SMYD3: variants seen among roughly 807,000 people sequenced by gnomAD.
SMYD3 encodes the protein histone-lysine N-methyltransferase SMYD3.
A neutral mutation model predicts 57.7 loss-of-function variants in SMYD3; 36 were observed. That is an observed-to-expected ratio of 0.62 (90% CI 0.48 to 0.82). The LOEUF (loss-of-function observed/expected upper bound fraction) is 0.82, where lower values mean the gene tolerates loss of function less well. Among genes scored for constraint, SMYD3 ranks in the 40% least tolerant of loss-of-function variants. The pLI is 0.00. For missense variants in SMYD3, 515 were observed against 538.8 expected (o/e 0.96, Z 0.44); for synonymous variants, 211 against 195.0 (o/e 1.08, Z -0.68).
At chr1:245,927,908 C>T (rs778618992) in intron 7 of SMYD3, 23 bp downstream of exon 7, 1 of 1,590,206 alleles carries the variant, frequency 6.3e-7, no homozygotes, top group South Asian at 1.1e-5. Context: ...GAAGGCCAGG[C>T]TGGGAAGCAT....
At chr1:246,160,722 A>C (rs984536797) in intron 5 of SMYD3, among the ~76,000 whole-genome samples, 1 of 152,208 alleles carries the variant, frequency 6.6e-6, no homozygotes, top group African/African-American at 2.4e-5. Flanking sequence ...CACTGTTCCC[A>C]AATTCCTGAC....
intron 5 of SMYD3, among the ~76,000 whole-genome samples, chr1:246,111,072 T>C (rs534340937): frequency 1.3e-5 from 2 of 152,272 alleles, no homozygotes; most frequent in South Asian, 2.1e-4. Context: ...CCAAGGACCC[T>C]GACCCATGCA....
rs540238257 is a variant in SMYD3 at position 246,161,259 on chromosome 1, G to C, written c.531+165942C>G. ...TTGTAAAGGCCTATTTTCCCAAGAGGCTTCTTCTCCGGGGCCCTACAGCTT... is the reference window on the plus strand; with the variant it reads ...TTGTAAAGGCCTATTTTCCCAAGAGCCTTCTTCTCCGGGGCCCTACAGCTT... On this transcript the variant is annotated intron_variant, in intron 5 of 11. Transcript: ENST00000490107. Among the ~76,000 whole-genome samples, 6 of 152,264 alleles carry C rather than the reference G, an allele frequency of 3.9e-5. No individual in the cohort carries two copies. In the East Asian group the frequency reaches 1.2e-3, roughly 29 times the overall value.
chr1:246,095,569 T>C (rs2060900016), intron 5 of SMYD3, among the ~76,000 whole-genome samples: 1 of 151,910 alleles, frequency 6.6e-6, no homozygotes, highest in African/African-American at 2.4e-5. Flanking sequence ...TCTGTGGGAG[T>C]TAACCAGTAA....
intron 11 of SMYD3, among the ~76,000 whole-genome samples, chr1:245,762,558 C>T (rs935540784): frequency 8.5e-5 from 13 of 152,130 alleles, no homozygotes; most frequent in South Asian, 2.1e-4. Context: ...ACAGACGGTG[C>T]GGTGTTCTTC....
chr1:245,829,951 G>T (rs1032060050), intron 10 of SMYD3, among the ~76,000 whole-genome samples: 1 of 152,094 alleles, frequency 6.6e-6, no homozygotes, highest in Non-Finnish European at 1.5e-5. Flanking sequence ...TGGTTATCTA[G>T]GGACTGGGGG....
intron 5 of SMYD3, among the ~76,000 whole-genome samples, chr1:246,101,064 GTTTTTTGTTTTTTTTT>G (rs1190429741): frequency 0.029 from 2,239 of 78,538 alleles, 132 homozygotes; most frequent in South Asian, 0.19. Context: ...ATTTTTAGGG[GTTTTTTGTTTTTTTTT>G]TTTTTTTTTT....
intron 11 of SMYD3, 103 bp from the exon 12 acceptor site, chr1:245,749,767 GT>G: frequency 1.2e-6 from 1 of 805,252 alleles, no homozygotes; most frequent in Non-Finnish European, 2.1e-6. Context: ...AACCCCACAG[GT>G]TTACAGGGTG....
chr1:246,033,209 T>C (rs562751202), intron 5 of SMYD3, among the ~76,000 whole-genome samples: 1 of 151,982 alleles, frequency 6.6e-6, no homozygotes, highest in South Asian at 2.1e-4. Context: ...GGAATACTAA[T>C]TGGTAATAAA....
intron 9 of SMYD3, among the ~76,000 whole-genome samples, chr1:245,861,252 T>C (rs1315650839): frequency 6.6e-6 from 1 of 152,270 alleles, no homozygotes; most frequent in Non-Finnish European, 1.5e-5. Flanking sequence ...TGGTGTTTAC[T>C]ACAATTCACT....
At chr1:245,813,927 T>G (rs1460714098) in intron 10 of SMYD3, among the ~76,000 whole-genome samples, 1 of 151,030 alleles carries the variant, frequency 6.6e-6, no homozygotes, top group Non-Finnish European at 1.5e-5. Flanking sequence ...TGGCATGAGA[T>G]CAGCTAAAAT....
chr1:245,994,660 T>G (rs1043534898), intron 5 of SMYD3, among the ~76,000 whole-genome samples: 2 of 152,194 alleles, frequency 1.3e-5, no homozygotes, highest in Non-Finnish European at 2.9e-5. Context: ...GAGGGCCTTC[T>G]CATAAAATGA....
chr1:246,153,884 TC>T (rs1435609886), intron 5 of SMYD3, among the ~76,000 whole-genome samples: 2 of 152,200 alleles, frequency 1.3e-5, no homozygotes, highest in African/African-American at 4.8e-5. Flanking sequence ...ATACTTGCTA[TC>T]ATCTCCATTT....
intron 1 of SMYD3, among the ~76,000 whole-genome samples, chr1:246,376,216 G>A (rs2066274075): frequency 6.6e-6 from 1 of 151,966 alleles, no homozygotes; most frequent in Non-Finnish European, 1.5e-5. Context: ...AGCTCTCTAC[G>A]TGTCTTGCTA....
At chr1:246,340,266 T>C (rs991647846) in intron 2 of SMYD3, among the ~76,000 whole-genome samples, 3 of 149,900 alleles carry the variant, frequency 2.0e-5, no homozygotes, top group African/African-American at 7.3e-5. Context: ...TAAAGAATTT[T>C]TGTCTTGGGG....
chr1:245,929,733 T>G, intron 6 of SMYD3, 137 bp downstream of exon 6: 1 of 666,222 alleles, frequency 1.5e-6, no homozygotes, highest in South Asian at 1.7e-5. Flanking sequence ...TCCATTTTTT[T>G]GTAATTTATT....
intron 1 of SMYD3, among the ~76,000 whole-genome samples, chr1:246,492,524 C>T (rs1194999904): frequency 6.6e-6 from 1 of 152,126 alleles, no homozygotes; most frequent in Non-Finnish European, 1.5e-5. Flanking sequence ...ACAGACGATT[C>T]CCAGACACAG....
chr1:245,861,943 T>G (rs2051569992), intron 9 of SMYD3, among the ~76,000 whole-genome samples: 1 of 152,182 alleles, frequency 6.6e-6, no homozygotes, highest in African/African-American at 2.4e-5. Flanking sequence ...CCGTTTTCAG[T>G]AAAACCTTGT....
At chr1:246,039,093 A>T (rs966292636) in intron 5 of SMYD3, among the ~76,000 whole-genome samples, 1 of 152,202 alleles carries the variant, frequency 6.6e-6, no homozygotes, top group Non-Finnish European at 1.5e-5. Flanking sequence ...AGACACAGTT[A>T]TAAGTGAAGG....
Sources: gnomAD v4.1 joint callset for allele counts (sites outside exome capture counted in the v4.1 genomes callset) on GRCh38, gnomAD v4.1.1 for gene constraint, MANE v1.5 for transcripts, NCBI Gene and HGNC (gene_info 2026-07-23, HGNC 2026-07-21) for gene names.